GLI3: variants seen among roughly 807,000 people sequenced by gnomAD.
The protein encoded by GLI3 is GLI family zinc finger 3, also known as transcription activator GLI3.
Under a neutral mutation model 100.8 loss-of-function variants are expected in GLI3, and 20 were observed. That is an observed-to-expected ratio of 0.20 (90% CI 0.14 to 0.29). The LOEUF (loss-of-function observed/expected upper bound fraction) is 0.29, where lower values mean the gene tolerates loss of function less well. GLI3 is among the 10% of genes least tolerant of loss of function. The pLI is 1.00. For missense variants in GLI3, 2,040 were observed against 2,128.5 expected, an observed-to-expected ratio of 0.96 and a Z score of 0.82; for synonymous variants, 938 against 860.5, an observed-to-expected ratio of 1.09 and a Z score of -1.58.
intron 2 of GLI3, among the ~76,000 whole-genome samples, chr7:42,214,272 G>C (rs1788329275): frequency 6.6e-6 from 1 of 152,078 alleles, no homozygotes; most frequent in African/African-American, 2.4e-5. Flanking sequence ...GATGAGGCAG[G>C]GAAAAGTCTC....
In GLI3 at chr7:42,142,263, G is replaced by A. The variant is rs1786586748; in HGVS notation, c.367+5963C>T. Reference sequence around the variant, plus strand: ...TGGTCCAGGAGAAACAACTATACAAGCAGGGCAACAAGGGCAGGGCCAGCA... The same window carrying A: ...TGGTCCAGGAGAAACAACTATACAAACAGGGCAACAAGGGCAGGGCCAGCA... On this transcript the variant is annotated intron_variant, in intron 3 of 14. Transcript: ENST00000395925. Among the ~76,000 whole-genome samples, 3 of 152,134 alleles carry A rather than the reference G, an allele frequency of 2.0e-5. 1 individual carries two copies. In the South Asian group the frequency reaches 6.2e-4, roughly 32 times the overall value.
intron 13 of GLI3, among the ~76,000 whole-genome samples, chr7:41,968,195 G>A (rs1012640445): frequency 1.3e-5 from 2 of 152,066 alleles, no homozygotes; most frequent in African/African-American, 2.4e-5. Flanking sequence ...TGCCCCAATC[G>A]CCAACTCTGC....
chr7:42,125,805 G>A (rs951239611), intron 3 of GLI3, among the ~76,000 whole-genome samples: 4 of 152,142 alleles, frequency 2.6e-5, no homozygotes, highest in Non-Finnish European at 5.9e-5. Context: ...TGCAAACTCT[G>A]TACAATGGGG....
intron 2 of GLI3, among the ~76,000 whole-genome samples, chr7:42,189,328 A>G (rs1787781298): frequency 1.3e-5 from 2 of 152,236 alleles, no homozygotes; most frequent in African/African-American, 4.8e-5. Flanking sequence ...AAACACATTC[A>G]CACAACAGGG....
intron 4 of GLI3, among the ~76,000 whole-genome samples, chr7:42,072,991 C>T (rs55679099): frequency 0.14 from 21,186 of 152,046 alleles, 2,154 homozygotes; most frequent in African/African-American, 0.29. Context: ...TCCGAGGAAA[C>T]GGGAAGATTC....
At chr7:42,110,530 C>T (rs1486462423) in intron 3 of GLI3, among the ~76,000 whole-genome samples, 1 of 152,068 alleles carries the variant, frequency 6.6e-6, no homozygotes, top group Non-Finnish European at 1.5e-5. Flanking sequence ...AAGGACAAGC[C>T]CACGGTGTGA....
intron 2 of GLI3, among the ~76,000 whole-genome samples, chr7:42,149,666 TA>T (rs891169481): frequency 2.0e-5 from 3 of 151,438 alleles, no homozygotes; most frequent in Non-Finnish European, 2.9e-5. Flanking sequence ...ATTCCTATCT[TA>T]AAAAAAAACT....
chr7:42,193,561 A>G (rs1787870160), intron 2 of GLI3, among the ~76,000 whole-genome samples: 1 of 152,174 alleles, frequency 6.6e-6, no homozygotes, highest in East Asian at 1.9e-4. Flanking sequence ...CTCAGGTGGG[A>G]CGTTTTCTCC....
intron 10 of GLI3, among the ~76,000 whole-genome samples, chr7:41,997,612 C>T (rs1470321216): frequency 6.6e-6 from 1 of 152,158 alleles, no homozygotes; most frequent in Non-Finnish European, 1.5e-5. Context: ...TGTGTGTGTC[C>T]TAATTCTCCT....
chr7:42,226,531 A>G (rs1258991256), intron 1 of GLI3, among the ~76,000 whole-genome samples: 1 of 152,226 alleles, frequency 6.6e-6, no homozygotes, highest in Non-Finnish European at 1.5e-5. Flanking sequence ...CTTAAAGAAT[A>G]CTAATTCCTA....
chr7:42,044,518 A>T (rs1370184516), intron 6 of GLI3, among the ~76,000 whole-genome samples: 1 of 152,208 alleles, frequency 6.6e-6, no homozygotes, highest in African/African-American at 2.4e-5. Flanking sequence ...GTGATACAAC[A>T]TGCATCAAGT....
In GLI3 at chr7:42,154,311, A is replaced by C. The variant is rs1004686177; in HGVS notation, c.125-5843T>G. 4.6e-5 allele frequency among the ~76,000 whole-genome samples: 7 copies of C among 152,064 alleles called. No individual in the cohort carries two copies. In the South Asian group the frequency reaches 8.3e-4, roughly 18 times the overall value. On this transcript the variant is annotated intron_variant, in intron 2 of 14. Coordinates refer to ENST00000395925, the MANE Select transcript of GLI3 (RefSeq NM_000168.6). ...GCAAAGATACACACAGGCCCCACTCAGCACTGCACACCCTCTCCACCGCAC... is the reference window on the plus strand; with the variant it reads ...GCAAAGATACACACAGGCCCCACTCCGCACTGCACACCCTCTCCACCGCAC...
intron 3 of GLI3, among the ~76,000 whole-genome samples, chr7:42,105,490 A>T (rs1325863944): frequency 6.6e-6 from 1 of 152,218 alleles, no homozygotes; most frequent in African/African-American, 2.4e-5. Context: ...CGAGAAGCGA[A>T]AGGAAGTAAG....
At chr7:41,978,128 C>T (rs1004385059) in intron 11 of GLI3, among the ~76,000 whole-genome samples, 3 of 152,206 alleles carry the variant, frequency 2.0e-5, no homozygotes, top group East Asian at 1.9e-4. Context: ...CAGGGCTCAG[C>T]GTGCCCAGTG....
At chr7:42,095,521 G>T (rs3801174) in intron 3 of GLI3, among the ~76,000 whole-genome samples, 43,024 of 152,082 alleles carry the variant, frequency 0.28, 6,679 homozygotes, top group African/African-American at 0.39. Flanking sequence ...GGCAGTGGAA[G>T]GGAAATGAAT....
At chr7:42,074,069 A>G (rs1427842743) in intron 4 of GLI3, among the ~76,000 whole-genome samples, 1 of 152,200 alleles carries the variant, frequency 6.6e-6, no homozygotes, top group East Asian at 1.9e-4. Flanking sequence ...GGGTCTCATA[A>G]CTGAGCAAGG....
intron 1 of GLI3, among the ~76,000 whole-genome samples, chr7:42,230,418 C>A (rs1788676274): frequency 6.6e-6 from 1 of 152,300 alleles, no homozygotes; most frequent in African/African-American, 2.4e-5. Context: ...CTAAATTACT[C>A]TAAGGGGAAA....
chr7:42,154,988 A>AGGC (rs1786966278), intron 2 of GLI3, among the ~76,000 whole-genome samples: 5 of 152,188 alleles, frequency 3.3e-5, no homozygotes, highest in Non-Finnish European at 5.9e-5. Context: ...CAACCTTTAA[A>AGGC]CTGCACTGCC....
chr7:42,044,858 T>C (rs1299018509), intron 6 of GLI3, among the ~76,000 whole-genome samples: 1 of 152,154 alleles, frequency 6.6e-6, no homozygotes, highest in Non-Finnish European at 1.5e-5. Flanking sequence ...TTCCCCCTTA[T>C]TTTGTTATCA....
Sources: gnomAD v4.1 joint callset for allele counts (sites outside exome capture counted in the v4.1 genomes callset) on GRCh38, gnomAD v4.1.1 for gene constraint, MANE v1.5 for transcripts, NCBI Gene and HGNC (gene_info 2026-07-23, HGNC 2026-07-21) for gene names.